Variants in TCF12 observed in about 807,000 individuals in gnomAD.
TCF12 encodes DNA-binding protein HTF4.
A neutral mutation model predicts 86.0 loss-of-function variants in TCF12; 45 were observed. The ratio of observed to expected loss-of-function variants is 0.52; its 90% CI spans 0.41 to 0.67. TCF12 has a LOEUF of 0.67. TCF12 is among the 30% of genes least tolerant of loss of function. The pLI is 0.00. For missense variants in TCF12, 881 were observed against 859.9 expected (o/e 1.02, Z -0.31); for synonymous variants, 330 against 299.6 (o/e 1.10, Z -1.05).
At chr15:56,920,013 T>G (rs2059708049) in intron 2 of TCF12, 25 bp downstream of exon 2, 1 of 1,613,232 alleles carries the variant, frequency 6.2e-7, no homozygotes, top group South Asian at 1.1e-5. Flanking sequence ...CATGGCATCT[T>G]GGGGTTCTGC....
intron 3 of TCF12, among the ~76,000 whole-genome samples, chr15:57,020,437 G>C (rs1567266175): frequency 6.6e-6 from 1 of 152,066 alleles, no homozygotes; most frequent in South Asian, 2.1e-4. Flanking sequence ...CTTTTAAAAG[G>C]GTACTTTATT....
chr15:57,149,537 G>C (rs1488019973), intron 5 of TCF12, among the ~76,000 whole-genome samples: 1 of 152,142 alleles, frequency 6.6e-6, no homozygotes, highest in African/African-American at 2.4e-5. Context: ...GGAATTCAAA[G>C]TATTTTAGAA....
intron 5 of TCF12, among the ~76,000 whole-genome samples, chr15:57,161,290 A>G (rs16977270): frequency 0.24 from 36,479 of 152,158 alleles, 5,040 homozygotes; most frequent in East Asian, 0.4. Flanking sequence ...AAGTCTGAGA[A>G]TATTTGTTAG....
At chr15:56,925,533 A>G (rs169893) in intron 3 of TCF12, among the ~76,000 whole-genome samples, 28,078 of 152,186 alleles carry the variant, frequency 0.18, 3,087 homozygotes, top group Non-Finnish European at 0.24. Flanking sequence ...TAATTGGGCA[A>G]TAAACAATGC....
chr15:57,114,863 T>C (rs753458274), intron 5 of TCF12, among the ~76,000 whole-genome samples: 10 of 152,158 alleles, frequency 6.6e-5, no homozygotes, highest in Non-Finnish European at 1.2e-4. Context: ...AAATATATAT[T>C]GAATACGTGA....
intron 3 of TCF12, among the ~76,000 whole-genome samples, chr15:56,969,535 AT>A (rs67565542): frequency 9.3e-4 from 121 of 130,010 alleles, no homozygotes; most frequent in African/African-American, 2.6e-3. Flanking sequence ...CCAGTTGGAG[AT>A]TTTTTTTTTT....
intron 5 of TCF12, among the ~76,000 whole-genome samples, chr15:57,163,404 G>A (rs1377171612): frequency 6.6e-6 from 1 of 152,026 alleles, no homozygotes; most frequent in Non-Finnish European, 1.5e-5. Flanking sequence ...AATAATCCTT[G>A]AAATAATAAT....
At chr15:57,085,164 A>G (rs956926393) in intron 4 of TCF12, among the ~76,000 whole-genome samples, 1 of 152,254 alleles carries the variant, frequency 6.6e-6, no homozygotes, top group African/African-American at 2.4e-5. Context: ...GAGATTATTC[A>G]TCCTCTCAAC....
intron 3 of TCF12, among the ~76,000 whole-genome samples, chr15:57,055,075 C>A (rs1379540420): frequency 6.6e-6 from 1 of 151,692 alleles, no homozygotes; most frequent in Non-Finnish European, 1.5e-5. Context: ...GATACTATTC[C>A]CTAGGATGCA....
intron 3 of TCF12, among the ~76,000 whole-genome samples, chr15:56,963,026 T>A (rs2061838323): frequency 7.5e-6 from 1 of 133,498 alleles, no homozygotes; most frequent in Non-Finnish European, 1.6e-5. Context: ...TGTGTTAAGG[T>A]CTTTTTTTTT....
At chr15:57,041,151 G>C (rs1209092493) in intron 3 of TCF12, among the ~76,000 whole-genome samples, 1 of 152,116 alleles carries the variant, frequency 6.6e-6, no homozygotes, top group Admixed American at 6.5e-5. Flanking sequence ...AAATGCATTG[G>C]AAGACAGATG....
At chr15:57,263,649 C>A (rs2060694437) in intron 18 of TCF12, among the ~76,000 whole-genome samples, 2 of 152,154 alleles carry the variant, frequency 1.3e-5, no homozygotes, top group African/African-American at 4.8e-5. Flanking sequence ...GGTCAGGTGT[C>A]ACTTAACAAT....
chr15:57,231,161 C>G lies in TCF12; in HGVS notation c.589C>G (p.Pro197Ala). 3.1e-6 allele frequency: 5 copies of G among 1,611,616 alleles called. No individual in the cohort carries two copies. The highest frequency in any genetic ancestry group is 4.2e-6 in the Non-Finnish European group (5 of 1,178,118). ...GCTGTTTAATTTTAAGGTATATGCACCATCCCCAAATTCAGATGATTTCAA... is the reference window on the plus strand; with the variant it reads ...GCTGTTTAATTTTAAGGTATATGCAGCATCCCCAAATTCAGATGATTTCAA... Reference protein sequence around the residue: ...PPGLPSSVYAPSPNSDDFNRE... With the variant: ...PPGLPSSVYAASPNSDDFNRE... Residue 197 changes from proline to alanine, a missense_variant, in exon 9 of 21, where the codon CCA becomes GCA. By Grantham distance (27) the Pro-to-Ala change is conservative. Transcript: ENST00000333725.
intron 5 of TCF12, among the ~76,000 whole-genome samples, chr15:57,098,922 G>A (rs2049528956): frequency 6.6e-6 from 1 of 152,138 alleles, no homozygotes; most frequent in Admixed American, 6.6e-5. Context: ...GGCAAATTGG[G>A]CCAAGGAGAG....
At chr15:57,076,638 CA>C (rs201622891) in intron 4 of TCF12, among the ~76,000 whole-genome samples, 1,366 of 118,656 alleles carry the variant, frequency 0.012, 7 homozygotes, top group Non-Finnish European at 0.015. Context: ...GGCTCTGTCT[CA>C]AAAAAAAAAA....
At chr15:57,091,299 T>C (rs1231645211) in intron 4 of TCF12, among the ~76,000 whole-genome samples, 1 of 152,178 alleles carries the variant, frequency 6.6e-6, no homozygotes, top group African/African-American at 2.4e-5. Context: ...AAGTCACTTG[T>C]AATTGCCTAA....
At chr15:57,051,485 TCTC>T (rs1367718203) in intron 3 of TCF12, among the ~76,000 whole-genome samples, 17 of 152,214 alleles carry the variant, frequency 1.1e-4, no homozygotes, top group African/African-American at 1.4e-4. Context: ...TTCTGCCTCC[TCTC>T]CTTCTTTTTT....
intron 3 of TCF12, among the ~76,000 whole-genome samples, chr15:56,945,501 G>C (rs2060955636): frequency 6.6e-6 from 1 of 151,822 alleles, no homozygotes; most frequent in African/African-American, 2.4e-5. Context: ...TGCTTTTGAA[G>C]GATATTTTTG....
chr15:56,947,124 G>A (rs1186484344), intron 3 of TCF12, among the ~76,000 whole-genome samples: 1 of 152,080 alleles, frequency 6.6e-6, no homozygotes, highest in Admixed American at 6.5e-5. Context: ...GCTAAGAATA[G>A]TTTAGCTCTA....
Sources: gnomAD v4.1 joint callset for allele counts (sites outside exome capture counted in the v4.1 genomes callset) on GRCh38, gnomAD v4.1.1 for gene constraint, MANE v1.5 for transcripts, NCBI Gene and HGNC (gene_info 2026-07-23, HGNC 2026-07-21) for gene names.